The following TNIP3 variants were observed in gnomAD, a reference collection of about 807,000 sequenced individuals.
TNIP3 encodes the protein TNFAIP3 interacting protein 3.
In TNIP3, 34 loss-of-function variants were observed where a neutral mutation model predicts 54.1. That is an observed-to-expected ratio of 0.63 (90% CI 0.48 to 0.84). The LOEUF (loss-of-function observed/expected upper bound fraction) is 0.84. Ranked by LOEUF, TNIP3 falls within the 40% of genes least tolerant of loss-of-function variation. The probability of loss-of-function intolerance (pLI) is 0.00; values close to 1 mark genes in which losing one functional copy is unlikely to be tolerated. For synonymous variants in TNIP3, 134 were observed against 136.8 expected (o/e 0.98, Z 0.14); for missense variants, 366 against 387.6 (o/e 0.94, Z 0.47).
At chr4:121,200,063 A>G (rs1042059562) in intron 2 of TNIP3, among the ~76,000 whole-genome samples, 2 of 152,160 alleles carry the variant, frequency 1.3e-5, no homozygotes, top group African/African-American at 2.4e-5. Context: ...TTACCTGTCA[A>G]TATTGAGATG....
At chr4:121,200,531 C>G (rs1212863102) in intron 2 of TNIP3, among the ~76,000 whole-genome samples, 1 of 152,030 alleles carries the variant, frequency 6.6e-6, no homozygotes, top group Admixed American at 6.6e-5. Flanking sequence ...CATAGAGACC[C>G]CCGAGCACAC....
intron 2 of TNIP3, among the ~76,000 whole-genome samples, chr4:121,196,703 A>G (rs1298578863): frequency 1.3e-5 from 2 of 152,132 alleles, no homozygotes; most frequent in African/African-American, 4.8e-5. Flanking sequence ...TGCTGAATAA[A>G]TAAATAAATA....
chr4:121,192,852 A>G (rs1252223287), intron 2 of TNIP3: 1 of 152,168 alleles, frequency 6.6e-6, no homozygotes, highest in Non-Finnish European at 1.5e-5. Context: ...AGGCCGTGCT[A>G]ATTGCCTCTG....
chr4:121,184,688 C>A (rs1446766299), intron 2 of TNIP3, among the ~76,000 whole-genome samples: 2 of 152,094 alleles, frequency 1.3e-5, no homozygotes, highest in African/African-American at 4.8e-5. Context: ...TATCTATAAT[C>A]AAAAATCCCT....
chr4:121,180,800 C>A (rs1724647171), intron 3 of TNIP3, among the ~76,000 whole-genome samples: 1 of 152,202 alleles, frequency 6.6e-6, no homozygotes, highest in African/African-American at 2.4e-5. Context: ...TACTACTCTG[C>A]AACTCATTTT....
rs118102210 is a variant in TNIP3, at chr4:121,224,604, C to T, written c.3+2781G>A. Among the ~76,000 whole-genome samples the T allele has an allele frequency of 5.3e-4, 80 of 152,168 alleles. No homozygotes were observed. The East Asian group carries it at 0.014, about 26-fold the overall frequency. On this transcript the variant is annotated intron_variant, in intron 1 of 12. Coordinates refer to the TNIP3 transcript ENST00000509841. The stretch of plus-strand genomic sequence containing the variant: ...AGAAATTCATCTTATTGTTTTCACC[C>T]ATATTTAGGCAGGTTTTAATTTGTC...
At chr4:121,208,411 G>T (rs1726301278) in intron 2 of TNIP3, among the ~76,000 whole-genome samples, 2 of 151,992 alleles carry the variant, frequency 1.3e-5, no homozygotes, top group Admixed American at 1.3e-4. Context: ...CTGGTCTTGT[G>T]GCCCCCACCC....
intron 3 of TNIP3, among the ~76,000 whole-genome samples, chr4:121,175,717 G>A (rs1181594447): frequency 6.6e-6 from 1 of 152,184 alleles, no homozygotes; most frequent in African/African-American, 2.4e-5. Context: ...AACAAGAATG[G>A]AGCCTCAGTT....
intron 1 of TNIP3, 61 bp downstream of exon 1, chr4:121,163,999 C>T (rs1730613792): frequency 6.3e-7 from 1 of 1,582,212 alleles, no homozygotes; most frequent in South Asian, 1.1e-5. Context: ...GCACAATTAA[C>T]CACTAGAAAT....
intron 3 of TNIP3, among the ~76,000 whole-genome samples, chr4:121,182,409 G>A (rs1167515945): frequency 2.0e-5 from 3 of 152,154 alleles, no homozygotes; most frequent in Admixed American, 6.5e-5. Flanking sequence ...CTTTCTAGTA[G>A]CATGATCTCC....
At chr4:121,159,860 A>C (rs1240213324) in intron 2 of TNIP3, among the ~76,000 whole-genome samples, 1 of 152,230 alleles carries the variant, frequency 6.6e-6, no homozygotes, top group Non-Finnish European at 1.5e-5. Flanking sequence ...TAGGGAACAG[A>C]CACTGAGAAG....
At chr4:121,159,836 C>A (rs1313395589) in intron 2 of TNIP3, among the ~76,000 whole-genome samples, 1 of 152,262 alleles carries the variant, frequency 6.6e-6, no homozygotes, top group East Asian at 1.9e-4. Context: ...AAGAGAAATT[C>A]CAACGCTTAT....
upstream of TNIP3, among the ~76,000 whole-genome samples, chr4:121,167,901 G>T (rs1730851036): frequency 6.6e-6 from 1 of 152,048 alleles, no homozygotes; most frequent in Non-Finnish European, 1.5e-5. Context: ...ATCTCTGCTT[G>T]TATGCATAAT....
upstream of TNIP3, among the ~76,000 whole-genome samples, chr4:121,165,292 A>G (rs1286593213): frequency 2.0e-5 from 3 of 151,978 alleles, no homozygotes; most frequent in Admixed American, 1.3e-4. Flanking sequence ...TGCTCCAACC[A>G]TCCTGACTGA....
chr4:121,198,565 T>C (rs2148838087), intron 2 of TNIP3, among the ~76,000 whole-genome samples: 1 of 152,356 alleles, frequency 6.6e-6, no homozygotes, highest in East Asian at 1.9e-4. Flanking sequence ...AAAAAATCCC[T>C]GTTTTCATGG....
intron 2 of TNIP3, among the ~76,000 whole-genome samples, chr4:121,188,302 T>C (rs1266675222): frequency 6.6e-6 from 1 of 151,198 alleles, no homozygotes; most frequent in Non-Finnish European, 1.5e-5. Context: ...AATTTGACAA[T>C]GAAACTTAAA....
intron 2 of TNIP3, among the ~76,000 whole-genome samples, chr4:121,195,502 C>T (rs1053170320): frequency 1.2e-4 from 18 of 152,022 alleles, no homozygotes; most frequent in Non-Finnish European, 2.2e-4. Flanking sequence ...GGTGAAATGT[C>T]AAAAACATTG....
At position 121,206,905 on chromosome 4, in the gene TNIP3, A is replaced by T. The variant is rs113478329; in HGVS notation, c.68+9510T>A. Among the ~76,000 whole-genome samples, 1,390 of 152,216 alleles carry T rather than the reference A, an allele frequency of 9.1e-3. 27 individuals are homozygous for T. The highest frequency in any genetic ancestry group is 0.032 in the African/African-American group (1,309 of 41,538). On this transcript the variant is annotated intron_variant, in intron 2 of 12. Coordinates refer to the TNIP3 transcript ENST00000507879. ...TCTTGCACTAAGCTCCTGAGGGTAC[A>T]GAGCTACCTAATTTTGAATTCATGG...
intron 10 of TNIP3, among the ~76,000 whole-genome samples, chr4:121,134,777 C>T (rs1451750962): frequency 6.6e-6 from 1 of 152,172 alleles, no homozygotes; most frequent in Non-Finnish European, 1.5e-5. Context: ...ACTGATGTCC[C>T]CATCTTATAG....
Sources: gnomAD v4.1 joint callset for allele counts (sites outside exome capture counted in the v4.1 genomes callset) on GRCh38, gnomAD v4.1.1 for gene constraint, MANE v1.5 for transcripts, NCBI Gene and HGNC (gene_info 2026-07-23, HGNC 2026-07-21) for gene names.